The following LDAH variants were observed in gnomAD, a reference collection of about 807,000 sequenced individuals.
LDAH encodes the protein lipid droplet associated hydrolase, also known as lipid droplet-associated hydrolase.
In LDAH, 26 loss-of-function variants were observed where a neutral mutation model predicts 29.6. The observed-to-expected ratio is 0.88, with a 90% CI of 0.64 to 1.22. LDAH has a LOEUF of 1.22. Among genes scored for constraint, LDAH ranks in the 50% most tolerant of loss-of-function variants. The probability of loss-of-function intolerance (pLI) is 0.00; values close to 1 mark genes in which losing one functional copy is unlikely to be tolerated. For synonymous variants in LDAH, 117 were observed against 133.0 expected (o/e 0.88, Z 0.83); for missense variants, 344 against 387.3 (o/e 0.89, Z 0.94).
At chr2:20,802,586 C>T (rs1272055934) in intron 1 of LDAH, among the ~76,000 whole-genome samples, 1 of 152,102 alleles carries the variant, frequency 6.6e-6, no homozygotes, top group African/African-American at 2.4e-5. Flanking sequence ...TTTCTCTTCC[C>T]CTCTCTTCCA....
chr2:20,776,788 T>C (rs528701839), intron 3 of LDAH, among the ~76,000 whole-genome samples: 1 of 152,212 alleles, frequency 6.6e-6, no homozygotes, highest in Non-Finnish European at 1.5e-5. Flanking sequence ...TTCTTTGATA[T>C]AAAAAACCAC....
At chr2:20,771,495 T>C (rs1669412766) in intron 4 of LDAH, among the ~76,000 whole-genome samples, 1 of 152,240 alleles carries the variant, frequency 6.6e-6, no homozygotes, top group African/African-American at 2.4e-5. Context: ...ATTTGTCAAA[T>C]GCATCTTAAA....
intron 3 of LDAH, among the ~76,000 whole-genome samples, chr2:20,781,853 A>AATGCC (rs1377023126): frequency 6.6e-6 from 1 of 152,182 alleles, no homozygotes; most frequent in Non-Finnish European, 1.5e-5. Context: ...CCTTTGGGCT[A>AATGCC]ATGCCTCTAG....
At chr2:20,752,217 A>G (rs77669222) in intron 4 of LDAH, among the ~76,000 whole-genome samples, 2 of 145,350 alleles carry the variant, frequency 1.4e-5, no homozygotes, top group African/African-American at 5.2e-5. Context: ...AAAAAAAAAA[A>G]TTTATACTTC....
intron 5 of LDAH, among the ~76,000 whole-genome samples, chr2:20,706,083 G>A (rs191876855): frequency 1.6e-4 from 24 of 152,272 alleles, no homozygotes; most frequent in Admixed American, 1.4e-3. Flanking sequence ...AGCCACATAT[G>A]GCTAATGTCT....
intron 3 of LDAH, among the ~76,000 whole-genome samples, chr2:20,778,439 A>C (rs1241329563): frequency 2.6e-5 from 4 of 152,222 alleles, no homozygotes; most frequent in Non-Finnish European, 5.9e-5. Flanking sequence ...AAAGTTATTA[A>C]GCAGTCATTA....
At chr2:20,769,618 A>G (rs1012194360) in intron 4 of LDAH, among the ~76,000 whole-genome samples, 36 of 152,318 alleles carry the variant, frequency 2.4e-4, no homozygotes, top group African/African-American at 8.4e-4. Flanking sequence ...ATCAAAACAT[A>G]TATGATCTAA....
intron 6 of LDAH, among the ~76,000 whole-genome samples, chr2:20,693,686 GC>G (rs572292332): frequency 1.3e-5 from 2 of 152,364 alleles, no homozygotes; most frequent in South Asian, 4.1e-4. Context: ...CCTTGGTTGA[GC>G]ATCTTCCAAA....
rs188156568 is a variant in LDAH at position 20,745,120 on chromosome 2, A to G, written c.469-4915T>C. ...CCAGAAGTCCTAATAATATTTCTGT[A>G]TATGTCTTTTGGTGCATGTATGCAT... On this transcript the variant is annotated intron_variant, in intron 4 of 6. Transcript: ENST00000237822. Among the ~76,000 whole-genome samples the G allele has an allele frequency of 5.3e-5, 8 of 152,256 alleles. No homozygotes were observed. The East Asian group carries it at 1.4e-3, about 26-fold the overall frequency.
chr2:20,712,754 T>C (rs745370301), intron 5 of LDAH, among the ~76,000 whole-genome samples: 35 of 152,098 alleles, frequency 2.3e-4, no homozygotes, highest in Admixed American at 4.6e-4. Context: ...CAAGCTTCAA[T>C]AGCCGATTTG....
At chr2:20,740,777 G>C (rs1330878056) in intron 4 of LDAH, among the ~76,000 whole-genome samples, 2 of 152,186 alleles carry the variant, frequency 1.3e-5, no homozygotes, top group Non-Finnish European at 2.9e-5. Flanking sequence ...TCTTTGGGTA[G>C]ATACCTACGA....
chr2:20,790,445 G>T, intron 2 of LDAH, 47 bp from the exon 3 acceptor site: 2 of 1,540,430 alleles, frequency 1.3e-6, no homozygotes, highest in Non-Finnish European at 1.8e-6. Flanking sequence ...TAATAAACAG[G>T]CATAAGATGA....
chr2:20,707,262 G>A (rs1436070372), intron 5 of LDAH, among the ~76,000 whole-genome samples: 1 of 152,124 alleles, frequency 6.6e-6, no homozygotes, highest in African/African-American at 2.4e-5. Context: ...CTGCTCAGCT[G>A]CCTAAACTGC....
intron 4 of LDAH, among the ~76,000 whole-genome samples, chr2:20,749,326 G>A (rs909620980): frequency 1.3e-5 from 2 of 152,188 alleles, no homozygotes; most frequent in Non-Finnish European, 2.9e-5. Context: ...GCAAAGTGCT[G>A]ATGATAGAAT....
chr2:20,724,642 G>A (rs1665890622), intron 5 of LDAH, among the ~76,000 whole-genome samples: 3 of 152,138 alleles, frequency 2.0e-5, no homozygotes, highest in Non-Finnish European at 4.4e-5. Flanking sequence ...AATAACTGAA[G>A]GCCAGAGTAC....
At chr2:20,704,343 C>G (rs1664161143) in intron 5 of LDAH, among the ~76,000 whole-genome samples, 1 of 152,176 alleles carries the variant, frequency 6.6e-6, no homozygotes, top group Non-Finnish European at 1.5e-5. Context: ...CTATAAGACT[C>G]TAAGTCCCGG....
intron 3 of LDAH, among the ~76,000 whole-genome samples, chr2:20,788,728 A>C (rs1344571036): frequency 3.3e-5 from 5 of 152,206 alleles, no homozygotes; most frequent in Admixed American, 6.5e-5. Flanking sequence ...GAAACCCCCT[A>C]GGACAAAACG....
At chr2:20,818,523 T>C in intron 1 of LDAH, among the ~76,000 whole-genome samples, 1 of 152,122 alleles carries the variant, frequency 6.6e-6, no homozygotes, top group Admixed American at 6.6e-5. Flanking sequence ...AATTGTTTTC[T>C]ATATCCTAAC....
At chr2:20,775,096 G>T in intron 3 of LDAH, 117 bp from the exon 4 acceptor site, 2 of 854,382 alleles carry the variant, frequency 2.3e-6, no homozygotes, top group Non-Finnish European at 3.6e-6. Context: ...AGCCTACAGT[G>T]TGCCAGTGAT....
Sources: allele counts gnomAD v4.1 joint callset (sites outside exome capture counted in the v4.1 genomes callset), GRCh38; gene constraint gnomAD v4.1.1; transcripts MANE v1.5; gene names NCBI Gene and HGNC (gene_info 2026-07-23, HGNC 2026-07-21).